The following FAM78B variants were observed in gnomAD, a reference collection of about 807,000 sequenced individuals.
FAM78B encodes the protein protein FAM78B.
Under a neutral mutation model 20.0 loss-of-function variants are expected in FAM78B, and 10 were observed. That is an observed-to-expected ratio of 0.50 (90% CI 0.31 to 0.85). The LOEUF (loss-of-function observed/expected upper bound fraction) is 0.85. Ranked by LOEUF, FAM78B falls within the 40% of genes least tolerant of loss-of-function variation. The pLI is 0.05. For missense variants in FAM78B, 283 were observed against 345.0 expected, an observed-to-expected ratio of 0.82 and a Z score of 1.42; for synonymous variants, 135 against 132.8, an observed-to-expected ratio of 1.02 and a Z score of -0.12.
rs549252709 is a variant in FAM78B, at chr1:166,148,477, T to C, written c.263+17509A>G. 3.3e-5 allele frequency among the ~76,000 whole-genome samples: 5 copies of C among 152,366 alleles called. No individual in the cohort carries two copies. In the East Asian group the frequency reaches 7.7e-4, roughly 24 times the overall value. On this transcript the variant is annotated intron_variant, in intron 1 of 1. Transcript: ENST00000354422. ...AACTTACATGGTCTTTCATGAGCCA[T>C]AGTTTCATTATATGTGAAACAGAGA...
intron 1 of FAM78B, among the ~76,000 whole-genome samples, chr1:166,128,214 T>TTC (rs112153699): frequency 4.5e-4 from 69 of 152,132 alleles, no homozygotes; most frequent in African/African-American, 1.6e-3. Flanking sequence ...CTCTTTTATT[T>TTC]ATTCATTCAT....
chr1:166,153,221 T>G (rs1453302657), intron 1 of FAM78B, among the ~76,000 whole-genome samples: 3 of 152,214 alleles, frequency 2.0e-5, no homozygotes, highest in Non-Finnish European at 2.9e-5. Context: ...CTCTTCCAGC[T>G]GTGGCTCCTT....
intron 1 of FAM78B, among the ~76,000 whole-genome samples, chr1:166,119,319 A>G (rs899702688): frequency 6.6e-6 from 1 of 152,202 alleles, no homozygotes; most frequent in Non-Finnish European, 1.5e-5. Flanking sequence ...CAATTCCTTC[A>G]GTGGCATCTG....
chr1:166,102,994 T>C (rs542331894), intron 1 of FAM78B, among the ~76,000 whole-genome samples: 102 of 152,058 alleles, frequency 6.7e-4, no homozygotes, highest in African/African-American at 2.4e-3. Context: ...AGAAAAGAAA[T>C]TATAACAGTG....
intron 1 of FAM78B, chr1:166,165,220 G>A (rs79656476): frequency 2.0e-5 from 3 of 152,216 alleles, no homozygotes; most frequent in African/African-American, 7.2e-5. Context: ...GTTTTAAAAA[G>A]TAAGGACCCT....
Position 166,070,605 on chromosome 1 carries a change from T to C in FAM78B, c.422A>G (p.Asn141Ser), listed in dbSNP as rs1315818995. ...ISRFSVSMND[N>S]FYPSVTWAVP... is the part of the protein sequence containing the mutation. ...TGCCCATGTCACACTGGGGTAGAAG[T>C]TGTCATTCATGCTGACGGAGAACCT... The change falls in exon 2 of 2, where the codon AAC becomes AGC. Residue 141 changes from asparagine to serine, a missense_variant. Coordinates refer to ENST00000354422, the MANE Select transcript of FAM78B (RefSeq NM_001017961.5). 1 of 1,613,734 alleles carries C rather than the reference T, an allele frequency of 6.2e-7. No homozygotes were observed. The highest frequency in any genetic ancestry group is 8.5e-7 in the Non-Finnish European group (1 of 1,180,010).
intron 1 of FAM78B, among the ~76,000 whole-genome samples, chr1:166,077,862 TTATATATATAATTATATATATAATAA>T: frequency 3.1e-5 from 1 of 32,498 alleles, no homozygotes; most frequent in Non-Finnish European, 7.7e-5. Context: ...TATATATAAT[TTATATATATAATTATATATATAATAA>T]ATATATATAA....
intron 1 of FAM78B, among the ~76,000 whole-genome samples, chr1:166,140,863 C>A (rs1033403051): frequency 1.3e-5 from 2 of 152,164 alleles, no homozygotes; most frequent in Admixed American, 6.5e-5. Flanking sequence ...GGGCATGGGG[C>A]AGCAGCAGAA....
At chr1:166,158,288 G>A (rs992592987) in intron 1 of FAM78B, among the ~76,000 whole-genome samples, 1 of 152,190 alleles carries the variant, frequency 6.6e-6, no homozygotes, top group Non-Finnish European at 1.5e-5. Context: ...TTGTGCCACT[G>A]CACTCCAGCC....
chr1:166,092,239 C>T (rs1653105553), intron 1 of FAM78B, among the ~76,000 whole-genome samples: 1 of 152,190 alleles, frequency 6.6e-6, no homozygotes. Flanking sequence ...TGGAAGCGAG[C>T]ACTGATGTGG....
At chr1:166,065,580 C>T (rs1651764408), downstream of FAM78B, among the ~76,000 whole-genome samples, 1 of 151,994 alleles carries the variant, frequency 6.6e-6, no homozygotes, top group African/African-American at 2.4e-5. Context: ...ATTTTAGGAC[C>T]CTAAGGTTGG....
chr1:166,110,217 A>C (rs1194231564), intron 1 of FAM78B, among the ~76,000 whole-genome samples: 2 of 151,542 alleles, frequency 1.3e-5, no homozygotes. Context: ...CCACTTAAGA[A>C]CTTACTCATG....
At chr1:166,130,097 G>A (rs1654817828) in intron 1 of FAM78B, among the ~76,000 whole-genome samples, 7 of 152,140 alleles carry the variant, frequency 4.6e-5, no homozygotes. Flanking sequence ...TCTGACACCT[G>A]AGCATGCCTT....
At chr1:166,121,766 G>A (rs189553960) in intron 1 of FAM78B, among the ~76,000 whole-genome samples, 1 of 152,150 alleles carries the variant, frequency 6.6e-6, no homozygotes, top group African/African-American at 2.4e-5. Context: ...TATAGATGAG[G>A]AACCTGAGAC....
Position 166,070,197 on chromosome 1 carries a change from G to A in FAM78B, c.*44C>T. ...GCCACCCCTGGCACCCTCACTGCAT[G>A]TCTCAGAGGCGTGTGATCCACACAC... is the stretch of plus-strand genomic sequence containing the variant. On this transcript the variant is annotated 3_prime_UTR_variant, in exon 2 of 2. Coordinates refer to ENST00000354422, the MANE Select transcript of FAM78B (RefSeq NM_001017961.5). 6.2e-6 allele frequency: 9 copies of A among 1,461,864 alleles called. No individual in the cohort carries two copies. Among genetic ancestry groups the A allele is most frequent in the Non-Finnish European group, 8.2e-6 (9 of 1,102,412 alleles). The allele number at this position is 1,461,864 out of a possible 1,614,324, so 90.6% of individuals were successfully genotyped here. A position where few individuals can be genotyped will look rare whatever the true frequency, so the allele number is the denominator to read the frequency against.
chr1:166,072,909 T>C (rs1652105824), intron 1 of FAM78B, among the ~76,000 whole-genome samples: 1 of 152,196 alleles, frequency 6.6e-6, no homozygotes, highest in Non-Finnish European at 1.5e-5. Flanking sequence ...TATAGAGTCT[T>C]TATAGTTCTC....
intron 1 of FAM78B, among the ~76,000 whole-genome samples, chr1:166,101,322 G>C (rs940439727): frequency 1.3e-5 from 2 of 152,202 alleles, no homozygotes; most frequent in African/African-American, 2.4e-5. Flanking sequence ...ACCAGCAATG[G>C]AACAAAGCTA....
chr1:166,148,344 T>C (rs930721), intron 1 of FAM78B, among the ~76,000 whole-genome samples: 140,994 of 152,278 alleles, frequency 0.93, 66,195 homozygotes, highest in East Asian at 1. Flanking sequence ...GGTTCCTTTT[T>C]CTCTTTCAGG....
Position 166,166,259 on chromosome 1 carries a change from G to C in FAM78B, c.-11C>G. 7 of 1,390,412 alleles carry C rather than the reference G, an allele frequency of 5.0e-6. No homozygotes were observed. Among genetic ancestry groups the C allele is most frequent in the Non-Finnish European group, 6.6e-6 (7 of 1,065,188 alleles). 86.1% of individuals were successfully genotyped at this position (1,390,412 alleles called of 1,614,324 possible). On this transcript the variant is annotated 5_prime_UTR_variant, in exon 1 of 2. Coordinates refer to ENST00000354422, the MANE Select transcript of FAM78B (RefSeq NM_001017961.5). ...TTGGATACAGCCCATCCTGCAGCCC[G>C]GTGCCGGCACGGCGCGGCGTGGGGC...
Sources: gnomAD v4.1 joint callset for allele counts (sites outside exome capture counted in the v4.1 genomes callset) on GRCh38, gnomAD v4.1.1 for gene constraint, MANE v1.5 for transcripts, NCBI Gene and HGNC (gene_info 2026-07-23, HGNC 2026-07-21) for gene names.